Variants in ATP10B observed in about 807,000 individuals in gnomAD.
ATP10B encodes the protein phospholipid-transporting ATPase VB.
A neutral mutation model predicts 141.2 loss-of-function variants in ATP10B; 122 were observed. The ratio of observed to expected loss-of-function variants is 0.86; its 90% confidence interval spans 0.75 to 1.00. The LOEUF (loss-of-function observed/expected upper bound fraction) is 1.00. Ranked by LOEUF, ATP10B falls within the 50% of genes least tolerant of loss-of-function variation. The pLI is 0.00. For synonymous variants in ATP10B, 685 were observed against 692.0 expected (o/e 0.99, Z 0.16); for missense variants, 1,876 against 1,825.3 (o/e 1.03, Z -0.51).
chr5:160,853,800 T>C (rs1753924320), upstream of ATP10B, among the ~76,000 whole-genome samples: 1 of 152,182 alleles, frequency 6.6e-6, no homozygotes, highest in Non-Finnish European at 1.5e-5. Context: ...AGAAATGCTA[T>C]GTTCAGTTTT....
At chr5:160,639,238 A>C (rs533556158) in intron 10 of ATP10B, 36 of 152,460 alleles carry the variant, frequency 2.4e-4, no homozygotes, top group African/African-American at 8.7e-4. Flanking sequence ...CTCTTCAAGA[A>C]AGACTTTCCT....
At chr5:160,864,995 T>C in the ATP10B span, among the ~76,000 whole-genome samples, 1 of 151,570 alleles carries the variant, frequency 6.6e-6, no homozygotes, top group African/African-American at 2.4e-5. Flanking sequence ...TTGAACATAC[T>C]GCCAAAAGCA....
In ATP10B at chr5:160,670,492, T is replaced by G. The variant is rs1189179651; in HGVS notation, c.646A>C (p.Arg216=). The change falls in exon 7 of 26, where the codon AGA becomes CGA. Residue 216 remains arginine (R), a synonymous_variant. Transcript: ENST00000327245. ...TGTGAGAAGCCCTTCACGACACATC[T>G]TTGCTTGAGGTTTGTCTCTCCATCC... The part of the protein sequence containing the change: ...SLDGETNLKQ[R]CVVKGFSQQE... 6.2e-7 allele frequency: 1 copy of G among 1,613,904 alleles called. No homozygotes were observed. Among genetic ancestry groups the G allele is most frequent in the Non-Finnish European group, 8.5e-7 (1 of 1,180,004 alleles).
rs749528358 is a variant in ATP10B, at chr5:160,620,393, C to T, written c.2370G>A (p.Lys790=). The change falls in exon 15 of 26, where the codon AAG becomes AAA. Residue 790 remains lysine, a synonymous_variant. Coordinates refer to ENST00000327245, the MANE Select transcript of ATP10B (RefSeq NM_025153.3). ...GGTCCATGATGACCGAGTCAGCACC[C>T]TTGGTGTAGACAACAATCTCGCCAG... The part of the protein sequence containing the change: ...PLTGEIVVYT[K]GADSVIMDLL... 1.9e-6 allele frequency: 3 copies of T among 1,614,014 alleles called. No homozygotes were observed. Among genetic ancestry groups the T allele is most frequent in the Admixed American group, 1.7e-5 (1 of 60,020 alleles).
intron 1 of ATP10B, among the ~76,000 whole-genome samples, chr5:160,793,949 T>C (rs1771772304): frequency 1.3e-5 from 2 of 152,236 alleles, no homozygotes; most frequent in Non-Finnish European, 1.5e-5. Context: ...CTGTACTATA[T>C]AGCCTAGGTG....
At chr5:160,701,544 G>T (rs919928891) in intron 3 of ATP10B, among the ~76,000 whole-genome samples, 1 of 152,094 alleles carries the variant, frequency 6.6e-6, no homozygotes, top group East Asian at 1.9e-4. Flanking sequence ...CTGGATTGAG[G>T]GATTCTACAA....
intron 1 of ATP10B, among the ~76,000 whole-genome samples, chr5:160,792,400 T>C (rs1771641610): frequency 6.6e-6 from 1 of 152,182 alleles, no homozygotes; most frequent in Non-Finnish European, 1.5e-5. Context: ...ATGTTGGTTG[T>C]GCAGCTAGAG....
At chr5:160,584,000 G>C (rs1292584870) in intron 24 of ATP10B, among the ~76,000 whole-genome samples, 2 of 152,096 alleles carry the variant, frequency 1.3e-5, no homozygotes, top group Non-Finnish European at 2.9e-5. Context: ...TAGACCACTT[G>C]GCTCCCTGGC....
At chr5:160,853,691 G>A (rs953999681), upstream of ATP10B, among the ~76,000 whole-genome samples, 8 of 152,076 alleles carry the variant, frequency 5.3e-5, no homozygotes, top group African/African-American at 7.2e-5. Context: ...CCTGGAAATC[G>A]TAAATACTAA....
At chr5:160,656,057 T>C (rs1761472656) in intron 7 of ATP10B, among the ~76,000 whole-genome samples, 3 of 152,338 alleles carry the variant, frequency 2.0e-5, no homozygotes, top group South Asian at 2.1e-4. Flanking sequence ...TTAGCTAGAA[T>C]AGGCCATTTC....
intron 6 of ATP10B, among the ~76,000 whole-genome samples, chr5:160,679,228 C>T (rs958554156): frequency 2.2e-4 from 34 of 152,300 alleles, no homozygotes; most frequent in African/African-American, 8.2e-4. Context: ...AGGCTAGGCC[C>T]TCGGTGCTAC....
At chr5:160,733,170 C>T (rs1032479409) in intron 2 of ATP10B, among the ~76,000 whole-genome samples, 1 of 152,080 alleles carries the variant, frequency 6.6e-6, no homozygotes, top group African/African-American at 2.4e-5. Context: ...AGATTTTCAC[C>T]TGCTCGGTTA....
At chr5:160,700,735 G>A (rs572139609) in intron 3 of ATP10B, among the ~76,000 whole-genome samples, 3 of 152,144 alleles carry the variant, frequency 2.0e-5, no homozygotes, top group South Asian at 4.2e-4. Flanking sequence ...AAAGGTCTCC[G>A]TGTTTCAAAC....
chr5:160,807,138 AG>A (rs1182907169), intron 1 of ATP10B, among the ~76,000 whole-genome samples: 1 of 152,222 alleles, frequency 6.6e-6, no homozygotes, highest in Non-Finnish European at 1.5e-5. Flanking sequence ...GGAAATTACA[AG>A]GGAGAAATCA....
At chr5:160,898,854 A>G in the ATP10B span, among the ~76,000 whole-genome samples, 2 of 152,136 alleles carry the variant, frequency 1.3e-5, no homozygotes, top group African/African-American at 4.8e-5. Context: ...AGGGACATGG[A>G]TGAAGCTGGA....
At position 160,640,536 on chromosome 5, in the gene ATP10B, T is replaced by G; in HGVS notation, c.925A>C (p.Ile309Leu). ...ATGTCTATATTCATGCGCCGCTCAA[T>G]CTTGCTGCGTTTGTACCGGGGGCCA... Reference protein sequence around the residue: ...NSGPRYKRSKIERRMNIDIFF... With the variant: ...NSGPRYKRSKLERRMNIDIFF... Residue 309 changes from isoleucine to leucine, a missense_variant, in exon 10 of 26, where the codon ATT (isoleucine) becomes CTT (leucine). Coordinates refer to ENST00000327245, the MANE Select transcript of ATP10B (RefSeq NM_025153.3). 1 of 1,614,124 alleles carries G rather than the reference T, an allele frequency of 6.2e-7. No individual in the cohort carries two copies. The highest frequency in any genetic ancestry group is 8.5e-7 in the Non-Finnish European group (1 of 1,179,986).
At chr5:160,817,360 GACAA>G (rs1471698325) in intron 1 of ATP10B, among the ~76,000 whole-genome samples, 19 of 152,054 alleles carry the variant, frequency 1.2e-4, no homozygotes, top group Non-Finnish European at 2.6e-4. Flanking sequence ...ACCAATAACA[GACAA>G]ACAGAGAGCC....
intron 7 of ATP10B, among the ~76,000 whole-genome samples, chr5:160,669,544 T>C (rs951108512): frequency 1.8e-4 from 28 of 151,466 alleles, no homozygotes; most frequent in African/African-American, 6.5e-4. Flanking sequence ...AGGGTGGGGA[T>C]TAAACAAAAG....
At chr5:160,676,805 C>G (rs918564172) in intron 6 of ATP10B, among the ~76,000 whole-genome samples, 1 of 152,204 alleles carries the variant, frequency 6.6e-6, no homozygotes, top group African/African-American at 2.4e-5. Flanking sequence ...ACCTCCATTA[C>G]AGGTTAGCTG....
Sources: allele counts gnomAD v4.1 joint callset (sites outside exome capture counted in the v4.1 genomes callset), GRCh38; gene constraint gnomAD v4.1.1; transcripts MANE v1.5; gene names NCBI Gene and HGNC (gene_info 2026-07-23, HGNC 2026-07-21).